MAGEA4: variants seen among roughly 807,000 people sequenced by gnomAD.
The protein encoded by MAGEA4 is MAGE family member A4.
A neutral mutation model predicts 13.7 loss-of-function variants in MAGEA4; 1 was observed. The observed-to-expected ratio is 0.07, with a 90% confidence interval of 0.03 to 0.35. The LOEUF is 0.35. Among genes scored for constraint, MAGEA4 ranks in the 10% least tolerant of loss-of-function variants. The pLI is 0.99. For missense variants in MAGEA4, 312 were observed against 245.1 expected, an observed-to-expected ratio of 1.27 and a Z score of -1.82; for synonymous variants, 132 against 101.1, an observed-to-expected ratio of 1.31 and a Z score of -1.83.
At chrX:151,920,471 G>C (rs945201527) in intron 1 of MAGEA4, among the ~76,000 whole-genome samples, 2 of 110,662 alleles carry the variant, frequency 1.8e-5, no homozygotes, top group African/African-American at 3.3e-5. Context: ...GGTGTGATCA[G>C]TGCAGGACTG....
At chrX:151,920,809 G>T (rs1340560647) in intron 1 of MAGEA4, among the ~76,000 whole-genome samples, 1 of 109,952 alleles carries the variant, frequency 9.1e-6, no homozygotes, top group Non-Finnish European at 1.9e-5. Flanking sequence ...AGGGTGGCTT[G>T]AGATCGGCAG....
intron 1 of MAGEA4, among the ~76,000 whole-genome samples, chrX:151,921,802 T>G (rs111253477): frequency 0.017 from 1,822 of 107,459 alleles, 36 homozygotes; most frequent in African/African-American, 0.057. Context: ...CTGGCCCTCC[T>G]GGGAGATGAG....
chrX:151,921,950 C>G (rs751582802), intron 1 of MAGEA4, among the ~76,000 whole-genome samples: 2 of 111,627 alleles, frequency 1.8e-5, no homozygotes, highest in African/African-American at 6.5e-5. Flanking sequence ...CCAAGCCCTT[C>G]CAGGATCAAG....
chrX:151,924,755 C>G lies in MAGEA4; in HGVS notation c.*137C>G, dbSNP rs1231984734. On this transcript the variant is annotated 3_prime_UTR_variant, in exon 3 of 3. Transcript: ENST00000276344. The stretch of plus-strand genomic sequence containing the variant: ...CTGTTTGAAGAAAATAGTCAGTGTT[C>G]TTAGTAGTGGGTTTCTATTTTGTTG... 4 of 619,149 alleles carry G rather than the reference C, an allele frequency of 6.5e-6. No homozygotes were observed. The highest frequency in any genetic ancestry group is 7.0e-6 in the Non-Finnish European group (3 of 426,023). 51.0% of individuals were successfully genotyped at this position (619,149 alleles called of 1,213,427 possible).
At chrX:151,920,554 T>TATCCCCTACCCCTTTCCC (rs1377795630) in intron 1 of MAGEA4, among the ~76,000 whole-genome samples, 1 of 58,715 alleles carries the variant, frequency 1.7e-5, no homozygotes, top group Non-Finnish European at 3.1e-5. Flanking sequence ...CCCCCATTCC[T>TATCCCCTACCCCTTTCCC]ATCCCCTACC....
Sources: allele counts gnomAD v4.1 joint callset (sites outside exome capture counted in the v4.1 genomes callset), GRCh38; gene constraint gnomAD v4.1.1; transcripts MANE v1.5; gene names NCBI Gene and HGNC (gene_info 2026-07-23, HGNC 2026-07-21).